The following SCML4 variants were observed in gnomAD, a reference collection of about 807,000 sequenced individuals.
The protein encoded by SCML4 is Scm polycomb group protein like 4.
In SCML4, 34 loss-of-function variants were observed where a neutral mutation model predicts 41.1. That is an observed-to-expected ratio of 0.83 (90% confidence interval 0.63 to 1.10). SCML4 has a LOEUF of 1.10. Ranked by LOEUF, SCML4 falls within the 50% of genes least tolerant of loss-of-function variation. The pLI is 0.00. For missense variants in SCML4, 522 were observed against 534.1 expected (o/e 0.98, Z 0.22); for synonymous variants, 214 against 220.9 (o/e 0.97, Z 0.28).
chr6:107,706,299 C>T (rs1489759034), intron 7 of SCML4, among the ~76,000 whole-genome samples: 1 of 152,148 alleles, frequency 6.6e-6, no homozygotes, highest in Non-Finnish European at 1.5e-5. Context: ...CTGTCTCCTC[C>T]CACCCTGGAA....
the SCML4 span, among the ~76,000 whole-genome samples, chr6:107,836,372 C>T: frequency 6.6e-6 from 1 of 152,134 alleles, no homozygotes; most frequent in South Asian, 2.1e-4. Flanking sequence ...AGCTCTCTGT[C>T]TCTCCCACCC....
rs957316507 is a variant in SCML4 at position 107,709,535 on chromosome 6, C to G, written c.974-1524G>C. 2.0e-5 allele frequency among the ~76,000 whole-genome samples: 3 copies of G among 152,140 alleles called. No individual in the cohort carries two copies. In the East Asian group the frequency reaches 5.8e-4, roughly 29 times the overall value. ...TCTGGGTACACTTGTTGTGACCGAC[C>G]GAATGTCTCCCCAGCTTCCTTCCTC... On this transcript the variant is annotated intron_variant, in intron 6 of 7. Transcript: ENST00000369020.
intron 1 of SCML4, among the ~76,000 whole-genome samples, chr6:107,819,850 T>C (rs1319858545): frequency 6.6e-6 from 1 of 152,318 alleles, no homozygotes; most frequent in East Asian, 1.9e-4. Flanking sequence ...TATCAAAATC[T>C]ACTCCCATTA....
upstream of SCML4, among the ~76,000 whole-genome samples, chr6:107,827,019 C>G (rs748737280): frequency 6.6e-6 from 1 of 151,700 alleles, no homozygotes; most frequent in African/African-American, 2.4e-5. Context: ...GCCGAGATCA[C>G]GCCACTGCAC....
intron 3 of SCML4, 59 bp from the exon 4 acceptor site, chr6:107,746,948 G>T: frequency 1.4e-6 from 2 of 1,463,018 alleles, no homozygotes; most frequent in Non-Finnish European, 1.9e-6. Flanking sequence ...CCAGCTGGCG[G>T]CCTCTGTGTA....
At chr6:107,715,872 T>A (rs1406010710) in intron 6 of SCML4, among the ~76,000 whole-genome samples, 4 of 152,190 alleles carry the variant, frequency 2.6e-5, no homozygotes, top group Non-Finnish European at 5.9e-5. Flanking sequence ...ATGCCATTTC[T>A]AAGTCTCTTC....
chr6:107,791,815 G>A lies in SCML4; in HGVS notation c.-59-19429C>T, dbSNP rs549323049. Among the ~76,000 whole-genome samples, 10 of 152,148 alleles carry A rather than the reference G, an allele frequency of 6.6e-5. No homozygotes were observed. In the South Asian group the frequency reaches 1.9e-3, roughly 28 times the overall value. ...CTTAAAATATAAAAATTAGCTGAGC[G>A]TGGTGGCTCGTGCCTGTAATCCCAG... On this transcript the variant is annotated intron_variant, in intron 1 of 7. Coordinates refer to ENST00000369020, the MANE Select transcript of SCML4 (RefSeq NM_198081.5).
chr6:107,715,278 A>G (rs1033618), intron 6 of SCML4, among the ~76,000 whole-genome samples: 98,695 of 132,050 alleles, frequency 0.75, 37,334 homozygotes, highest in Admixed American at 0.8. Context: ...TCTGGCCCCT[A>G]CACAAACTCT....
chr6:107,801,689 G>C (rs1783138948), intron 1 of SCML4, among the ~76,000 whole-genome samples: 1 of 152,220 alleles, frequency 6.6e-6, no homozygotes, highest in African/African-American at 2.4e-5. Flanking sequence ...GTTGCTGACA[G>C]GGCGTATGAC....
At chr6:107,751,365 T>G (rs1778606746) in intron 2 of SCML4, among the ~76,000 whole-genome samples, 1 of 150,496 alleles carries the variant, frequency 6.6e-6, no homozygotes, top group African/African-American at 2.4e-5. Context: ...GAAAGAATAT[T>G]CCAGGCAATG....
At chr6:107,829,699 C>A in the SCML4 span, among the ~76,000 whole-genome samples, 4 of 152,018 alleles carry the variant, frequency 2.6e-5, no homozygotes, top group Non-Finnish European at 5.9e-5. Context: ...CACATGTATA[C>A]CTATGTAACA....
At chr6:107,757,027 C>T (rs1385927537) in intron 2 of SCML4, among the ~76,000 whole-genome samples, 1 of 152,210 alleles carries the variant, frequency 6.6e-6, no homozygotes, top group Non-Finnish European at 1.5e-5. Flanking sequence ...TCATCCAAGG[C>T]AAGGTCTGTG....
Position 107,737,061 on chromosome 6 carries a change from C to T in SCML4, c.682+7888G>A, listed in dbSNP as rs1777143528. On this transcript the variant is annotated intron_variant, in intron 5 of 7. Coordinates refer to ENST00000369020, the MANE Select transcript of SCML4 (RefSeq NM_198081.5). ...CCAAAGATCTCCTACTCTTGGTGAG[C>T]AGACAATTTGTTCTGTCGTGTTGCA... 2.0e-5 allele frequency among the ~76,000 whole-genome samples: 3 copies of T among 152,192 alleles called. No homozygotes were observed. In the South Asian group the frequency reaches 6.2e-4, roughly 32 times the overall value.
At chr6:107,783,677 TG>T (rs1238034956) in intron 1 of SCML4, among the ~76,000 whole-genome samples, 1 of 139,750 alleles carries the variant, frequency 7.2e-6, no homozygotes, top group African/African-American at 2.7e-5. Flanking sequence ...TGATGGCAGG[TG>T]CTGGTCTGAG....
intron 1 of SCML4, among the ~76,000 whole-genome samples, chr6:107,781,527 C>G (rs1781495837): frequency 6.6e-6 from 1 of 152,020 alleles, no homozygotes; most frequent in Admixed American, 6.6e-5. Context: ...TGTGCCTGCG[C>G]TCCCAGCTAT....
At chr6:107,739,930 C>T (rs1409319654) in intron 5 of SCML4, 2 of 359,688 alleles carry the variant, frequency 5.6e-6, no homozygotes, top group East Asian at 7.4e-5. Flanking sequence ...CTCCACTTTC[C>T]CCAAGGCTCC....
intron 2 of SCML4, among the ~76,000 whole-genome samples, chr6:107,767,286 A>G (rs1245005662): frequency 6.6e-6 from 1 of 152,072 alleles, no homozygotes; most frequent in African/African-American, 2.4e-5. Context: ...CTGTAATACA[A>G]CTCCAAGCAA....
chr6:107,722,431 C>T (rs1431569655), intron 5 of SCML4, among the ~76,000 whole-genome samples: 2 of 152,052 alleles, frequency 1.3e-5, no homozygotes, highest in African/African-American at 2.4e-5. Context: ...TCTAGTCCCT[C>T]CCACCAGGAC....
intron 6 of SCML4, among the ~76,000 whole-genome samples, chr6:107,712,317 G>T (rs1739864): frequency 4.6e-5 from 7 of 152,142 alleles, no homozygotes; most frequent in East Asian, 3.9e-4. Context: ...TGACAGGAAG[G>T]GGGGAAAACC....
Sources: gnomAD v4.1 joint callset for allele counts (sites outside exome capture counted in the v4.1 genomes callset) on GRCh38, gnomAD v4.1.1 for gene constraint, MANE v1.5 for transcripts, NCBI Gene and HGNC (gene_info 2026-07-23, HGNC 2026-07-21) for gene names.